PRKD3: variants seen among roughly 807,000 people sequenced by gnomAD.
PRKD3 encodes the protein protein kinase D3, also known as serine/threonine-protein kinase D3.
PRKD3 carries 47 observed loss-of-function variants against 99.2 expected under a neutral mutation model. That is an observed-to-expected ratio of 0.47 (90% CI 0.38 to 0.60). The LOEUF is 0.60. PRKD3 is among the 20% of genes least tolerant of loss of function. The probability of loss-of-function intolerance (pLI) is 0.00; values close to 1 mark genes in which losing one functional copy is unlikely to be tolerated. For synonymous variants in PRKD3, 392 were observed against 355.4 expected (o/e 1.10, Z -1.16); for missense variants, 1,019 against 1,088.4 (o/e 0.94, Z 0.90).
At chr2:37,269,309 A>T (rs58290161) in intron 13 of PRKD3, 1 of 331,198 alleles carries the variant, frequency 3.0e-6, no homozygotes. Context: ...AAGCCCACTC[A>T]GCCCAACATA....
chr2:37,260,890 C>T (rs1187789716), intron 14 of PRKD3, among the ~76,000 whole-genome samples: 1 of 152,126 alleles, frequency 6.6e-6, no homozygotes, highest in East Asian at 1.9e-4. Flanking sequence ...CCCACATTAT[C>T]ATGTTTCTTG....
chr2:37,310,332 G>T (rs959800392), intron 2 of PRKD3, among the ~76,000 whole-genome samples: 3 of 152,096 alleles, frequency 2.0e-5, no homozygotes, highest in African/African-American at 7.2e-5. Flanking sequence ...ATTACTATTT[G>T]CTAAGTATTG....
At chr2:37,309,780 G>A (rs572136733) in intron 2 of PRKD3, among the ~76,000 whole-genome samples, 1 of 150,080 alleles carries the variant, frequency 6.7e-6, no homozygotes, top group Admixed American at 6.7e-5. Flanking sequence ...CCAGTGAGTC[G>A]GAAGTTGCAG....
chr2:37,284,103 G>C (rs773744426), intron 6 of PRKD3, among the ~76,000 whole-genome samples: 3 of 152,134 alleles, frequency 2.0e-5, no homozygotes, highest in Non-Finnish European at 4.4e-5. Context: ...AAGACAAACA[G>C]ATTAATGAAT....
In PRKD3 at chr2:37,283,464, G is replaced by GT. The variant is rs577945339; in HGVS notation, c.911-846dup. ...CCCTTGTGAGTCAAGAAAATCCTGGGTATCATGCCAACAGCACAGGCTAAA... is the reference window on the plus strand; with the variant it reads ...CCCTTGTGAGTCAAGAAAATCCTGGGTTATCATGCCAACAGCACAGGCTAAA... On this transcript the variant is annotated intron_variant, in intron 6 of 18. Transcript: ENST00000234179. Among the ~76,000 whole-genome samples, 125 of 152,218 alleles carry GT rather than the reference G, an allele frequency of 8.2e-4. 1 individual carries two copies. Among genetic ancestry groups the GT allele is most frequent in the African/African-American group, 2.8e-3 (116 of 41,530 alleles).
chr2:37,289,590 G>A lies in PRKD3; in HGVS notation c.560-77C>T, dbSNP rs1354655647. 8 of 1,197,892 alleles carry A rather than the reference G, an allele frequency of 6.7e-6. No individual in the cohort carries two copies. The Admixed American group carries it at 7.4e-5, about 11-fold the overall frequency. The allele number at this position is 1,197,892 out of a possible 1,614,324, so 74.2% of individuals were successfully genotyped here. On this transcript the variant is annotated intron_variant, in intron 4 of 18. Coordinates refer to ENST00000234179, the MANE Select transcript of PRKD3 (RefSeq NM_005813.6). ...TTAAGTGTGATACATAAAAACCACT[G>A]CTTCTTTTATTTAACATATTTTCTG...
rs56389006 is a variant in PRKD3 at position 37,256,628 on chromosome 2, A to ATTTTTTTTTTT, written c.2413+23_2413+33dup. ...TTTAGGCTTAAAACACATAGCCAAA[A>ATTTTTTTTTTT]TTTTTTTTTTTTTTTTTTTTTTTTT... On this transcript the variant is annotated intron_variant, in intron 17 of 18. Transcript: ENST00000234179. 4 of 1,202,296 alleles carry ATTTTTTTTTTT rather than the reference A, an allele frequency of 3.3e-6. No individual in the cohort carries two copies. In the East Asian group the frequency reaches 9.4e-5, roughly 28 times the overall value. 74.5% of individuals were successfully genotyped at this position (1,202,296 alleles called of 1,614,324 possible).
At chr2:37,305,225 A>T (rs1443072369) in intron 2 of PRKD3, among the ~76,000 whole-genome samples, 1 of 152,212 alleles carries the variant, frequency 6.6e-6, no homozygotes. Context: ...TACAGAGACG[A>T]TGCAGTTAAA....
chr2:37,265,978 C>T (rs1413491557), intron 14 of PRKD3, among the ~76,000 whole-genome samples: 4 of 152,070 alleles, frequency 2.6e-5, no homozygotes, highest in East Asian at 3.9e-4. Context: ...TTTATTGTTT[C>T]GCTTACTAGT....
intron 2 of PRKD3, among the ~76,000 whole-genome samples, chr2:37,301,141 C>A (rs993974065): frequency 6.6e-6 from 1 of 152,162 alleles, no homozygotes; most frequent in African/African-American, 2.4e-5. Flanking sequence ...CTTTAAAACT[C>A]CAAATCCAAT....
chr2:37,285,440 A>G (rs1420088427), intron 6 of PRKD3, among the ~76,000 whole-genome samples: 1 of 152,162 alleles, frequency 6.6e-6, no homozygotes, highest in East Asian at 1.9e-4. Context: ...TCATAATTTT[A>G]GTAGCTTTTA....
chr2:37,310,631 A>G (rs983745086), intron 2 of PRKD3, among the ~76,000 whole-genome samples: 1 of 152,236 alleles, frequency 6.6e-6, no homozygotes, highest in East Asian at 1.9e-4. Context: ...CAGTCAAGAA[A>G]AGAGACAATT....
chr2:37,271,672 A>G (rs1276898116), intron 12 of PRKD3, among the ~76,000 whole-genome samples: 2 of 152,194 alleles, frequency 1.3e-5, no homozygotes, highest in African/African-American at 4.8e-5. Flanking sequence ...CCTACTGTGA[A>G]CTGTGCATGC....
At chr2:37,311,495 A>G (rs192483548) in intron 2 of PRKD3, among the ~76,000 whole-genome samples, 3 of 152,302 alleles carry the variant, frequency 2.0e-5, no homozygotes, top group Admixed American at 6.5e-5. Context: ...AAGCAAAGCC[A>G]TAACAGATAA....
chr2:37,276,308 T>G (rs1669568816), intron 9 of PRKD3, among the ~76,000 whole-genome samples: 1 of 152,176 alleles, frequency 6.6e-6, no homozygotes, highest in Non-Finnish European at 1.5e-5. Flanking sequence ...TGAGAGTCCC[T>G]AGTTACTCAC....
intron 2 of PRKD3, among the ~76,000 whole-genome samples, chr2:37,313,151 G>A (rs1465118766): frequency 6.6e-6 from 1 of 152,118 alleles, no homozygotes; most frequent in African/African-American, 2.4e-5. Context: ...TAGTATTTTA[G>A]GCTTGGTGGG....
chr2:37,290,346 C>T lies in PRKD3; in HGVS notation c.559+522G>A, dbSNP rs569517471. Among the ~76,000 whole-genome samples, 9 of 152,262 alleles carry T rather than the reference C, an allele frequency of 5.9e-5. No individual in the cohort carries two copies. In the East Asian group the frequency reaches 1.5e-3, roughly 26 times the overall value. Reference sequence around the variant, plus strand: ...CAGGCAGGTTCAAGCGATTCTCCTGCCCCAGCCTCCCGAGTAGCTGGGATT... The same window carrying T: ...CAGGCAGGTTCAAGCGATTCTCCTGTCCCAGCCTCCCGAGTAGCTGGGATT... On this transcript the variant is annotated intron_variant, in intron 4 of 18. Transcript: ENST00000234179.
intron 1 of PRKD3, among the ~76,000 whole-genome samples, 156 bp downstream of exon 1, chr2:37,324,522 TCGC>T (rs1321626217): frequency 1.6e-5 from 2 of 126,050 alleles, no homozygotes; most frequent in Non-Finnish European, 3.2e-5. Context: ...CCGAGTCCTG[TCGC>T]CGCCGCCGCC....
chr2:37,258,141 A>G (rs1219871042), intron 16 of PRKD3, among the ~76,000 whole-genome samples: 1 of 152,226 alleles, frequency 6.6e-6, no homozygotes, highest in Non-Finnish European at 1.5e-5. Flanking sequence ...AAGCATTAAT[A>G]TAAATTGAGA....
Sources: gnomAD v4.1 joint callset for allele counts (sites outside exome capture counted in the v4.1 genomes callset) on GRCh38, gnomAD v4.1.1 for gene constraint, MANE v1.5 for transcripts, NCBI Gene and HGNC (gene_info 2026-07-23, HGNC 2026-07-21) for gene names.